NAALADL2: variants seen among roughly 807,000 people sequenced by gnomAD.
NAALADL2 encodes the protein N-acetylated alpha-linked acidic dipeptidase like 2.
NAALADL2 carries 76 observed loss-of-function variants against 87.2 expected under a neutral mutation model. The ratio of observed to expected loss-of-function variants is 0.87; its 90% CI spans 0.72 to 1.05. NAALADL2 has a LOEUF of 1.05. Ranked by LOEUF, NAALADL2 falls within the 50% of genes least tolerant of loss-of-function variation. The pLI, the probability that NAALADL2 is intolerant of heterozygous loss-of-function variation, is 0.00. For synonymous variants in NAALADL2, 354 were observed against 331.0 expected (o/e 1.07, Z -0.75); for missense variants, 1,089 against 945.8 (o/e 1.15, Z -1.99).
chr3:174,709,283 A>G (rs1730399974), intron 2 of NAALADL2, among the ~76,000 whole-genome samples: 1 of 152,144 alleles, frequency 6.6e-6, no homozygotes, highest in Non-Finnish European at 1.5e-5. Flanking sequence ...ACTTCCTTGC[A>G]GTCAAAGTAA....
intron 1 of NAALADL2, among the ~76,000 whole-genome samples, chr3:174,946,597 T>G (rs1408011313): frequency 6.6e-6 from 1 of 152,238 alleles, no homozygotes; most frequent in East Asian, 1.9e-4. Flanking sequence ...ATTAATCATT[T>G]TTATTTATAC....
upstream of NAALADL2, among the ~76,000 whole-genome samples, chr3:174,854,835 C>CTTTTTTTTTTTTT (rs68116968): frequency 8.9e-6 from 1 of 111,994 alleles, no homozygotes; most frequent in African/African-American, 3.6e-5. Context: ...GCTTTTTTTT[C>CTTTTTTTTTTTTT]TTTTTTTTTT....
chr3:174,642,126 A>G (rs1195517100), intron 2 of NAALADL2, among the ~76,000 whole-genome samples: 1 of 152,170 alleles, frequency 6.6e-6, no homozygotes, highest in African/African-American at 2.4e-5. Flanking sequence ...GAGACACACA[A>G]TGCTTTCTAA....
intron 12 of NAALADL2, among the ~76,000 whole-genome samples, chr3:175,743,027 T>C (rs1024263259): frequency 2.6e-5 from 4 of 151,418 alleles, no homozygotes; most frequent in African/African-American, 9.7e-5. Flanking sequence ...CGGAGTTTCA[T>C]TGTTGTTGCC....
intron 2 of NAALADL2, among the ~76,000 whole-genome samples, chr3:175,144,889 A>G (rs1730533801): frequency 6.6e-6 from 1 of 152,020 alleles, no homozygotes; most frequent in African/African-American, 2.4e-5. Flanking sequence ...ACGGCATTTC[A>G]AAGAGACTTT....
At chr3:174,724,591 A>G (rs903203946) in intron 2 of NAALADL2, among the ~76,000 whole-genome samples, 3 of 152,146 alleles carry the variant, frequency 2.0e-5, no homozygotes, top group Non-Finnish European at 2.9e-5. Flanking sequence ...GTCATATTTA[A>G]TGCACTTATT....
At chr3:174,947,747 C>T (rs1374372382) in intron 1 of NAALADL2, among the ~76,000 whole-genome samples, 3 of 151,860 alleles carry the variant, frequency 2.0e-5, no homozygotes, top group Non-Finnish European at 4.4e-5. Context: ...CACACACATA[C>T]TGACACATAT....
chr3:175,534,513 G>A lies in NAALADL2; in HGVS notation c.1654-41528G>A, dbSNP rs550551174. ...AAAGTAGGTTTTGTCTGAGCCAAAT[G>A]ATGCTGGTGACGTAAAATAAAAAGG... On this transcript the variant is annotated intron_variant, in intron 9 of 13. Coordinates refer to ENST00000454872, the MANE Select transcript of NAALADL2 (RefSeq NM_207015.3). Among the ~76,000 whole-genome samples, 21 of 152,264 alleles carry A rather than the reference G, an allele frequency of 1.4e-4. 1 individual carries two copies. The East Asian group carries it at 4.1e-3, about 29-fold the overall frequency.
chr3:174,679,670 A>C (rs932595246), intron 2 of NAALADL2, among the ~76,000 whole-genome samples: 1 of 152,198 alleles, frequency 6.6e-6, no homozygotes, highest in Admixed American at 6.5e-5. Context: ...AAGGCACACC[A>C]CCAAAAAATA....
chr3:174,784,705 C>T (rs1005803057), intron 3 of NAALADL2, among the ~76,000 whole-genome samples: 15 of 152,134 alleles, frequency 9.9e-5, no homozygotes. Flanking sequence ...TACTCCTTAT[C>T]CGTTGGACCA....
At chr3:174,572,052 T>G (rs6445172) in intron 2 of NAALADL2, among the ~76,000 whole-genome samples, 75,303 of 151,988 alleles carry the variant, frequency 0.5, 20,587 homozygotes, top group East Asian at 0.81. Flanking sequence ...ACAAGGAAAA[T>G]ATTACAGGCC....
Position 174,662,078 on chromosome 3 carries a change from C to T in NAALADL2, c.-114-75563C>T, listed in dbSNP as rs113831950. ...CTCAGTTTCAGCTTCCTCATCTCTA[C>T]TGTGGGATAAAAATAAAATAACATT... On this transcript the variant is annotated intron_variant, in intron 2 of 3. Transcript: ENST00000434257. Among the ~76,000 whole-genome samples the T allele has an allele frequency of 8.5e-3, 1,288 of 152,152 alleles. 10 individuals are homozygous for T. Among genetic ancestry groups the T allele is most frequent in the African/African-American group, 0.029 (1,216 of 41,514 alleles).
intron 1 of NAALADL2, among the ~76,000 whole-genome samples, chr3:174,899,472 T>C (rs993590918): frequency 6.6e-6 from 1 of 152,168 alleles, no homozygotes; most frequent in Non-Finnish European, 1.5e-5. Flanking sequence ...GTAAGTTCTC[T>C]TGAGATCTGT....
chr3:175,474,508 C>G (rs1208737997), intron 9 of NAALADL2, among the ~76,000 whole-genome samples: 3 of 152,138 alleles, frequency 2.0e-5, no homozygotes, highest in Non-Finnish European at 2.9e-5. Context: ...ATATGATAGT[C>G]TTATCGCTCA....
intron 11 of NAALADL2, chr3:175,718,286 C>T (rs1376805450): frequency 1.3e-5 from 18 of 1,345,056 alleles, no homozygotes; most frequent in Admixed American, 6.1e-5. Flanking sequence ...CTTTAGACAT[C>T]GTTAGGCGCC....
chr3:175,559,084 G>A (rs1027746151), intron 9 of NAALADL2, among the ~76,000 whole-genome samples: 1 of 151,716 alleles, frequency 6.6e-6, no homozygotes, highest in Non-Finnish European at 1.5e-5. Context: ...ATTTTTTGTT[G>A]TCCTCTTCAA....
chr3:175,069,572 A>C (rs1330396838), intron 1 of NAALADL2, among the ~76,000 whole-genome samples: 1 of 150,410 alleles, frequency 6.6e-6, no homozygotes, highest in Non-Finnish European at 1.5e-5. Flanking sequence ...TGGGACTGTA[A>C]ACTAGTTCAA....
At chr3:175,447,185 T>C in intron 5 of NAALADL2, 44 bp from the exon 6 acceptor site, 1 of 1,380,112 alleles carries the variant, frequency 7.2e-7, no homozygotes, top group Non-Finnish European at 9.7e-7. Context: ...GTGTTTTAAA[T>C]TTCTGTTTAC....
intron 9 of NAALADL2, among the ~76,000 whole-genome samples, chr3:175,569,744 T>C (rs1717743353): frequency 6.6e-6 from 1 of 151,852 alleles, no homozygotes. Flanking sequence ...CTTCCCAGAC[T>C]CCAGAGCCAT....
Sources: allele counts gnomAD v4.1 joint callset (sites outside exome capture counted in the v4.1 genomes callset), GRCh38; gene constraint gnomAD v4.1.1; transcripts MANE v1.5; gene names NCBI Gene and HGNC (gene_info 2026-07-23, HGNC 2026-07-21).